Variants in PARD3B observed in about 807,000 individuals in gnomAD.
PARD3B encodes partitioning defective 3 homolog B.
A neutral mutation model predicts 130.2 loss-of-function variants in PARD3B; 103 were observed. The ratio of observed to expected loss-of-function variants is 0.79; its 90% confidence interval spans 0.67 to 0.93. The LOEUF (loss-of-function observed/expected upper bound fraction) is 0.93. Ranked by LOEUF, PARD3B falls within the 40% of genes least tolerant of loss-of-function variation. The pLI is 0.00. For missense variants in PARD3B, 1,609 were observed against 1,499.2 expected, an observed-to-expected ratio of 1.07 and a Z score of -1.21; for synonymous variants, 583 against 553.2, an observed-to-expected ratio of 1.05 and a Z score of -0.76.
intron 20 of PARD3B, among the ~76,000 whole-genome samples, chr2:205,472,540 G>A (rs1334906321): frequency 6.6e-6 from 1 of 151,994 alleles, no homozygotes; most frequent in Non-Finnish European, 1.5e-5. Flanking sequence ...TCATTAAAGA[G>A]GGGCTGAAAA....
intron 20 of PARD3B, among the ~76,000 whole-genome samples, chr2:205,472,680 A>G (rs1052960038): frequency 5.3e-5 from 8 of 152,154 alleles, no homozygotes; most frequent in South Asian, 2.1e-4. Context: ...ATAGGGTAAA[A>G]CAAGATGCCC....
intron 3 of PARD3B, among the ~76,000 whole-genome samples, chr2:204,989,897 CAT>C (rs1218586685): frequency 6.6e-6 from 1 of 152,048 alleles, no homozygotes; most frequent in Non-Finnish European, 1.5e-5. Context: ...ACCTTCTTCA[CAT>C]AGTCAATGAA....
chr2:205,528,669 T>A (rs1276031870), intron 21 of PARD3B, among the ~76,000 whole-genome samples: 1 of 152,020 alleles, frequency 6.6e-6, no homozygotes, highest in Non-Finnish European at 1.5e-5. Context: ...TTTTTGTATT[T>A]TTAGTAGAGA....
chr2:205,543,919 GA>G (rs2052276795), intron 21 of PARD3B, among the ~76,000 whole-genome samples: 1 of 152,144 alleles, frequency 6.6e-6, no homozygotes, highest in Admixed American at 6.6e-5. Context: ...CTTGGTCAAG[GA>G]ATATGCTTTA....
chr2:205,035,820 T>TATATATATATATAGTGGG (rs1491091922), intron 3 of PARD3B, among the ~76,000 whole-genome samples: 43 of 2,290 alleles, frequency 0.019, 1 homozygote, highest in African/African-American at 0.035. Flanking sequence ...TATATATATA[T>TATATATATATATAGTGGG]CTATATATCT....
intron 2 of PARD3B, among the ~76,000 whole-genome samples, chr2:204,955,574 AT>A (rs1413991827): frequency 6.6e-6 from 1 of 152,144 alleles, no homozygotes; most frequent in Non-Finnish European, 1.5e-5. Context: ...TACCTAAGGA[AT>A]TTTTTCCCAT....
chr2:205,206,188 A>G (rs1197673311), intron 15 of PARD3B, among the ~76,000 whole-genome samples: 1 of 148,050 alleles, frequency 6.8e-6, no homozygotes, highest in Non-Finnish European at 1.5e-5. Flanking sequence ...TCATATTTAA[A>G]TGAAATTCTG....
intron 2 of PARD3B, among the ~76,000 whole-genome samples, chr2:204,869,827 G>C (rs774938683): frequency 7.9e-5 from 12 of 152,060 alleles, no homozygotes; most frequent in Non-Finnish European, 1.6e-4. Context: ...AAGTGTTTTG[G>C]AATTGTTTTA....
Position 205,230,139 on chromosome 2 carries a change from A to T in PARD3B, c.2141-15639A>T, listed in dbSNP as rs1349229788. Reference sequence around the variant, plus strand: ...AAGAACCCGCTTTGTGCTCTATACCACTACGGCTGAGCTGGTACCTAAGGT... The same window carrying T: ...AAGAACCCGCTTTGTGCTCTATACCTCTACGGCTGAGCTGGTACCTAAGGT... On this transcript the variant is annotated intron_variant, in intron 15 of 22. Coordinates refer to ENST00000406610, the MANE Select transcript of PARD3B (RefSeq NM_001302769.2). This position sits in a 1 kb window ranked among gnomAD's most constrained non-coding sequence, Gnocchi z 4.1. Among the ~76,000 whole-genome samples the T allele has an allele frequency of 6.6e-6, 1 of 151,860 alleles. No individual in the cohort carries two copies. The highest frequency in any genetic ancestry group is 6.6e-5 in the Admixed American group (1 of 15,250).
At chr2:204,902,668 C>CAA (rs5837941) in intron 2 of PARD3B, among the ~76,000 whole-genome samples, 977 of 67,478 alleles carry the variant, frequency 0.014, 21 homozygotes, top group African/African-American at 0.049. Context: ...GACTCTGTCT[C>CAA]AAAAAAAAAA....
At chr2:204,587,139 G>A (rs1295524644) in intron 1 of PARD3B, among the ~76,000 whole-genome samples, 1 of 152,104 alleles carries the variant, frequency 6.6e-6, no homozygotes, top group Non-Finnish European at 1.5e-5. Flanking sequence ...TAAATGCCAG[G>A]AGGTTTGCCA....
intron 14 of PARD3B, among the ~76,000 whole-genome samples, chr2:205,188,008 C>T (rs1386610481): frequency 1.3e-5 from 2 of 152,230 alleles, no homozygotes; most frequent in South Asian, 2.1e-4. Context: ...GTAGAAAGAA[C>T]TCAAATGGAT....
At chr2:205,113,394 GTGTGTGTGT>G (rs1559450845) in intron 5 of PARD3B, 88 bp from the exon 6 acceptor site, 25 of 584,316 alleles carry the variant, frequency 4.3e-5, no homozygotes, top group African/African-American at 3.5e-4. Flanking sequence ...CTGAGCAGGG[GTGTGTGTGT>G]GTGTGTGTGT....
intron 20 of PARD3B, among the ~76,000 whole-genome samples, chr2:205,441,770 T>A (rs1040525268): frequency 6.6e-6 from 1 of 152,200 alleles, no homozygotes; most frequent in Non-Finnish European, 1.5e-5. Flanking sequence ...TTCAAAAGAC[T>A]GATTACCTTT....
chr2:204,979,088 C>G (rs1692444144), intron 3 of PARD3B, among the ~76,000 whole-genome samples: 1 of 151,706 alleles, frequency 6.6e-6, no homozygotes, highest in East Asian at 1.9e-4. Flanking sequence ...CGCCTTTAGT[C>G]CCACCTACTT....
rs2048905233 is a variant in PARD3B at position 205,473,340 on chromosome 2, C to A, written c.3045-26556C>A. Among the ~76,000 whole-genome samples, 1 of 151,982 alleles carries A rather than the reference C, an allele frequency of 6.6e-6. No individual in the cohort carries two copies. Among genetic ancestry groups the A allele is most frequent in the Non-Finnish European group, 1.5e-5 (1 of 67,972 alleles). ...GATCGTTATGAAAAATATAAACAAA[C>A]TTAAAATTCTATTTATGATTCAGAC... On this transcript the variant is annotated intron_variant, in intron 20 of 22. Transcript: ENST00000406610. The surrounding 1 kb of genome is among the most constrained non-coding windows in gnomAD (Gnocchi z 4.9).
chr2:205,522,997 G>T (rs1185650018), intron 21 of PARD3B, among the ~76,000 whole-genome samples: 1 of 151,432 alleles, frequency 6.6e-6, no homozygotes, highest in Non-Finnish European at 1.5e-5. Flanking sequence ...GTTTGGTTCT[G>T]AGGGCTTTCA....
intron 15 of PARD3B, among the ~76,000 whole-genome samples, chr2:205,204,996 G>C (rs2125833328): frequency 6.6e-6 from 1 of 152,286 alleles, no homozygotes; most frequent in Admixed American, 6.5e-5. Context: ...AAAGTCAATG[G>C]TAGCTTGATG....
rs962727764 is a variant in PARD3B at position 205,325,789 on chromosome 2, T to A, written c.2630+24088T>A. Among the ~76,000 whole-genome samples, 1 of 152,220 alleles carries A rather than the reference T, an allele frequency of 6.6e-6. No homozygotes were observed. The highest frequency in any genetic ancestry group is 2.4e-5 in the African/African-American group (1 of 41,452). On this transcript the variant is annotated intron_variant, in intron 18 of 22. Coordinates refer to ENST00000406610, the MANE Select transcript of PARD3B (RefSeq NM_001302769.2). This position sits in a 1 kb window ranked among gnomAD's most constrained non-coding sequence, Gnocchi z 4.1. ...GGAGGTAACTGGCTTCAGATAAGGT[T>A]ATTGAATTTCATAGTCCATTATTTC...
Sources: gnomAD v4.1 joint callset for allele counts (sites outside exome capture counted in the v4.1 genomes callset) on GRCh38, gnomAD v4.1.1 for gene constraint, Gnocchi (gnomAD v3.1) non-coding constraint, MANE v1.5 for transcripts, NCBI Gene and HGNC (gene_info 2026-07-23, HGNC 2026-07-21) for gene names.